The following RBM34 variants were observed in gnomAD, a reference collection of about 807,000 sequenced individuals.
RBM34 encodes RNA-binding protein 34.
In RBM34, 39 loss-of-function variants were observed where a neutral mutation model predicts 44.6. That is an observed-to-expected ratio of 0.87 (90% CI 0.68 to 1.14). RBM34 has a LOEUF of 1.14. Ranked by LOEUF, RBM34 falls within the 50% of genes most tolerant of loss-of-function variation. The pLI is 0.00. For missense variants in RBM34, 572 were observed against 517.9 expected (o/e 1.10, Z -1.01); for synonymous variants, 194 against 184.0 (o/e 1.05, Z -0.44).
intron 4 of RBM34, among the ~76,000 whole-genome samples, chr1:235,153,486 C>A (rs964073899): frequency 5.3e-5 from 8 of 150,964 alleles, no homozygotes; most frequent in Non-Finnish European, 8.8e-5. Flanking sequence ...AGTGCGGTGG[C>A]ACGATCTTGG....
intron 3 of RBM34, among the ~76,000 whole-genome samples, chr1:235,155,838 T>TATATATATATATAC (rs1332174160): frequency 3.8e-5 from 1 of 26,454 alleles, no homozygotes; most frequent in Non-Finnish European, 7.0e-5. Flanking sequence ...TATATATATA[T>TATATATATATATAC]ATATATATAT....
Position 235,160,989 on chromosome 1 carries a change from G to A in RBM34, c.132C>T (p.Arg44=), listed in dbSNP as rs1662693424. The change falls in exon 2 of 11, where the codon CGC becomes CGT. Residue 44 remains arginine, a synonymous_variant. Transcript: ENST00000408888. The stretch of plus-strand genomic sequence containing the variant: ...TGCCACCTCTGGAATGGTGTTCGCC[G>A]CGAAATAAGCTACTGGCGACCTGTC... ...RLGQVASSLF[R]GEHHSRGGTG... The A allele has an allele frequency of 6.2e-7, 1 of 1,614,146 alleles. No individual in the cohort carries two copies. The highest frequency in any genetic ancestry group is 2.2e-5 in the East Asian group (1 of 44,872).
chr1:235,156,639 G>A (rs760678221), intron 3 of RBM34: 56 of 464,420 alleles, frequency 1.2e-4, no homozygotes, highest in African/African-American at 1.1e-3. Context: ...AAGTATTGCT[G>A]GATATGGATA....
rs1159885834 is a variant in RBM34 at position 235,160,349 on chromosome 1, G to A, written c.365+162C>T. 4 of 889,836 alleles carry A rather than the reference G, an allele frequency of 4.5e-6. No homozygotes were observed. The East Asian group carries it at 7.8e-5, about 17-fold the overall frequency. The allele number at this position is 889,836 out of a possible 1,614,324, so 55.1% of individuals were successfully genotyped here. On this transcript the variant is annotated intron_variant, in intron 3 of 10. Transcript: ENST00000408888. ...GTAATTGCTGATGCTGAGTACACGG[G>A]GTTTCTTAGCCTTTTCAACTTTTCT...
intron 5 of RBM34, among the ~76,000 whole-genome samples, chr1:235,151,447 C>T (rs1662154233): frequency 6.6e-6 from 1 of 152,150 alleles, no homozygotes; most frequent in Admixed American, 6.6e-5. Context: ...GAAATAAATA[C>T]CCTGACAGAA....
intron 5 of RBM34, among the ~76,000 whole-genome samples, chr1:235,148,987 C>T (rs1006514575): frequency 6.6e-6 from 1 of 151,980 alleles, no homozygotes; most frequent in Admixed American, 6.6e-5. Flanking sequence ...CAGGCAGGGA[C>T]TCAAAAACCC....
chr1:235,145,229 A>AGG (rs2102842616), intron 6 of RBM34, among the ~76,000 whole-genome samples: 1 of 152,256 alleles, frequency 6.6e-6, no homozygotes, highest in East Asian at 1.9e-4. Context: ...GAGAAATTCA[A>AGG]ATTAGAAATA....
In RBM34 at chr1:235,132,002, A is replaced by G. The variant is rs778209543; in HGVS notation, c.1009-5T>C. 1 of 1,574,860 alleles carries G rather than the reference A, an allele frequency of 6.3e-7. No homozygotes were observed. ...AAGATGAACAGAATCTGTATTCTGCAAAAGAAAACACAATACATTAATTGC... is the reference window on the plus strand; with the variant it reads ...AAGATGAACAGAATCTGTATTCTGCGAAAGAAAACACAATACATTAATTGC... On this transcript the variant is annotated splice_region_variant and splice_polypyrimidine_tract_variant and intron_variant, in intron 10 of 10. Transcript: ENST00000408888.
intron 5 of RBM34, among the ~76,000 whole-genome samples, chr1:235,151,089 C>A (rs757408634): frequency 2.0e-5 from 3 of 152,020 alleles, no homozygotes; most frequent in South Asian, 2.1e-4. Context: ...TAGGCCTCTG[C>A]GACTATTCTG....
chr1:235,148,562 A>C (rs1012846467), intron 5 of RBM34, 115 bp from the exon 6 acceptor site: 7 of 697,860 alleles, frequency 1.0e-5, no homozygotes, highest in Admixed American at 7.2e-5. Flanking sequence ...AAAACATTCT[A>C]GGGAAATAAA....
intron 5 of RBM34, among the ~76,000 whole-genome samples, chr1:235,150,958 C>T (rs958015144): frequency 1.3e-5 from 2 of 151,858 alleles, no homozygotes; most frequent in Non-Finnish European, 2.9e-5. Context: ...GGGGGAAGGG[C>T]GTTTCATTAA....
chr1:235,131,854 C>G lies in RBM34; in HGVS notation c.1152G>C (p.Lys384Asn), dbSNP rs1441702004. The G allele has an allele frequency of 5.0e-6, 8 of 1,614,112 alleles. No individual in the cohort carries two copies. The highest frequency in any genetic ancestry group is 6.8e-6 in the Non-Finnish European group (8 of 1,180,010). Residue 384 changes from lysine (K) to asparagine (N), a missense_variant, in exon 11 of 11, where the codon AAG becomes AAC. Transcript: ENST00000408888. ...TTTTGGAAGTAAAATTAAGTCCCTG[C>G]TTAGGTTTACTGACATTCTTCAATC... ...NPRLKNVSKP[K>N]QGLNFTSKTA...
chr1:235,158,794 T>C (rs1240893396), intron 3 of RBM34, among the ~76,000 whole-genome samples: 2 of 152,086 alleles, frequency 1.3e-5, no homozygotes. Context: ...GGGATCACTA[T>C]TTGCATCTTG....
chr1:235,156,821 C>T (rs566042489), intron 3 of RBM34: 1 of 316,614 alleles, frequency 3.2e-6, no homozygotes, highest in African/African-American at 2.2e-5. Context: ...TCAAAGGCCT[C>T]CAACAGTGCA....
intron 6 of RBM34, among the ~76,000 whole-genome samples, chr1:235,141,339 C>G (rs1014800177): frequency 6.6e-6 from 1 of 152,150 alleles, no homozygotes; most frequent in African/African-American, 2.4e-5. Context: ...GTGCACCAAT[C>G]GATACTCTGT....
At position 235,161,242 on chromosome 1, in the gene RBM34, T is replaced by TC. The variant is rs752747643; in HGVS notation, c.-17dup. On this transcript the variant is annotated 5_prime_UTR_variant, in exon 1 of 11. Coordinates refer to ENST00000408888, the MANE Select transcript of RBM34 (RefSeq NM_015014.4). Reference sequence around the variant, plus strand: ...CCAAGGCCATTCTTACTCCAAAGACTCCCAGACTGCAGCTGCGCGCCAGCT... The same window carrying TC: ...CCAAGGCCATTCTTACTCCAAAGACTCCCCAGACTGCAGCTGCGCGCCAGCT... 3.1e-6 allele frequency: 5 copies of TC among 1,613,340 alleles called. No individual in the cohort carries two copies. In the East Asian group the frequency reaches 1.1e-4, roughly 36 times the overall value.
At chr1:235,137,521 T>C (rs1330488982) in intron 8 of RBM34, among the ~76,000 whole-genome samples, 2 of 151,478 alleles carry the variant, frequency 1.3e-5, no homozygotes, top group African/African-American at 4.8e-5. Context: ...ACTGTCGGCA[T>C]GCATCACACA....
chr1:235,143,969 A>G (rs1004974492), intron 6 of RBM34, among the ~76,000 whole-genome samples: 16 of 152,178 alleles, frequency 1.1e-4, no homozygotes, highest in African/African-American at 3.9e-4. Flanking sequence ...ACTTGAGCTC[A>G]GGAGTTCAGG....
At chr1:235,155,846 T>TATATATATATATATATAC (rs1662404233) in intron 3 of RBM34, among the ~76,000 whole-genome samples, 2 of 28,532 alleles carry the variant, frequency 7.0e-5, no homozygotes, top group Admixed American at 4.9e-4. Flanking sequence ...TATATATATA[T>TATATATATATATATATAC]ATATATATAT....
Sources: gnomAD v4.1 joint callset for allele counts (sites outside exome capture counted in the v4.1 genomes callset) on GRCh38, gnomAD v4.1.1 for gene constraint, MANE v1.5 for transcripts, NCBI Gene and HGNC (gene_info 2026-07-23, HGNC 2026-07-21) for gene names.